The following PTPRG variants were observed in gnomAD, a reference collection of about 807,000 sequenced individuals.
The protein encoded by PTPRG is protein tyrosine phosphatase receptor type G, also known as receptor-type tyrosine-protein phosphatase gamma.
In PTPRG, 102 loss-of-function variants were observed where a neutral mutation model predicts 165.3. The observed-to-expected ratio is 0.62, with a 90% confidence interval of 0.53 to 0.73. PTPRG has a LOEUF of 0.73. Ranked by LOEUF, PTPRG falls within the 30% of genes least tolerant of loss-of-function variation. The probability of loss-of-function intolerance (pLI) is 0.00; values close to 1 mark genes in which losing one functional copy is unlikely to be tolerated. For missense variants in PTPRG, 1,866 were observed against 1,861.4 expected (o/e 1.00, Z -0.05); for synonymous variants, 675 against 669.5 (o/e 1.01, Z -0.13).
chr3:62,258,516 A>G (rs1051448183), intron 16 of PTPRG, among the ~76,000 whole-genome samples: 19 of 152,350 alleles, frequency 1.2e-4, no homozygotes, highest in Admixed American at 5.9e-4. Context: ...TGGAGATTTC[A>G]GCAAAAATTC....
At position 61,562,179 on chromosome 3, in the gene PTPRG, C is replaced by A; in HGVS notation, c.-109C>A. 1 of 952,286 alleles carries A rather than the reference C, an allele frequency of 1.1e-6. No individual in the cohort carries two copies. Among genetic ancestry groups the A allele is most frequent in the Non-Finnish European group, 1.6e-6 (1 of 613,892 alleles). The allele number at this position is 952,286 out of a possible 1,614,324, so 59.0% of individuals were successfully genotyped here. ...CGCCGAGCGCGGGGGGCCCGTGGAG[C>A]GGGCGAGCCGGGGAAGCGCCCCGGC... On this transcript the variant is annotated 5_prime_UTR_variant, in exon 1 of 30. Transcript: ENST00000474889.
chr3:61,674,518 T>C (rs1703154348), intron 1 of PTPRG, among the ~76,000 whole-genome samples: 1 of 143,086 alleles, frequency 7.0e-6, no homozygotes, highest in Non-Finnish European at 1.5e-5. Flanking sequence ...AAAGCCATAT[T>C]AGTACTCTAT....
chr3:62,241,301 T>C (rs912090157), intron 14 of PTPRG, among the ~76,000 whole-genome samples: 11 of 152,106 alleles, frequency 7.2e-5, no homozygotes, highest in African/African-American at 2.7e-4. Flanking sequence ...ATTTGCCAAA[T>C]CCATTGAAAT....
chr3:61,678,888 G>A (rs1219110683), intron 1 of PTPRG, among the ~76,000 whole-genome samples: 2 of 152,034 alleles, frequency 1.3e-5, no homozygotes, highest in Non-Finnish European at 2.9e-5. Flanking sequence ...GTTTTGGGAG[G>A]CCTCCCAATG....
At chr3:61,652,025 G>A (rs190046868) in intron 1 of PTPRG, among the ~76,000 whole-genome samples, 26 of 150,086 alleles carry the variant, frequency 1.7e-4, no homozygotes, top group African/African-American at 6.4e-4. Flanking sequence ...ATATATAAAA[G>A]TAGGCCAGGC....
rs1372492634 is a variant in PTPRG at position 62,273,809 on chromosome 3, G to C, written c.3430G>C (p.Val1144Leu). 6.2e-7 allele frequency: 1 copy of C among 1,613,812 alleles called. No homozygotes were observed. Residue 1144 changes from valine to leucine, a missense_variant, in exon 23 of 30, where the codon GTA becomes CTA. Around this residue, in one of 3 missense-constraint regions of PTPRG, gnomAD observed 1,452 missense variants for 1,463.0 expected, o/e 0.99. Transcript: ENST00000474889. This position sits in a 1 kb window ranked among gnomAD's most constrained non-coding sequence, Gnocchi z 4.1. ...TGTTAACAGCATCCTTATACCAGGAGTAGGAGGAAAGACACGACTGGAAAA... is the reference window on the plus strand; with the variant it reads ...TGTTAACAGCATCCTTATACCAGGACTAGGAGGAAAGACACGACTGGAAAA... The part of the protein sequence containing the change: ...SYVNSILIPG[V>L]GGKTRLEKQF...
At chr3:61,846,553 C>G (rs2036810541) in intron 2 of PTPRG, among the ~76,000 whole-genome samples, 1 of 152,156 alleles carries the variant, frequency 6.6e-6, no homozygotes. Flanking sequence ...GCACCAGTGC[C>G]TTCTATGCAT....
intron 4 of PTPRG, among the ~76,000 whole-genome samples, chr3:62,065,185 G>T (rs567193121): frequency 1.3e-5 from 2 of 152,284 alleles, no homozygotes; most frequent in Admixed American, 6.5e-5. Flanking sequence ...CTTTTCAGGG[G>T]ATGGTTTGGC....
chr3:62,084,819 C>A, intron 5 of PTPRG, among the ~76,000 whole-genome samples: 1 of 152,184 alleles, frequency 6.6e-6, no homozygotes, highest in Non-Finnish European at 1.5e-5. Flanking sequence ...TTGCTTTCTT[C>A]TGCATTAATA....
At chr3:61,598,012 A>G (rs1700747685) in intron 1 of PTPRG, among the ~76,000 whole-genome samples, 1 of 152,178 alleles carries the variant, frequency 6.6e-6, no homozygotes, top group Non-Finnish European at 1.5e-5. Flanking sequence ...GGCACTGGCT[A>G]TGGGAAGGAA....
intron 2 of PTPRG, among the ~76,000 whole-genome samples, chr3:61,839,003 T>C (rs1344855883): frequency 6.6e-6 from 1 of 152,214 alleles, no homozygotes; most frequent in Admixed American, 6.5e-5. Context: ...ACCAAAGCTT[T>C]ATGAATTCAA....
intron 2 of PTPRG, among the ~76,000 whole-genome samples, chr3:61,986,420 G>A (rs902701412): frequency 6.6e-6 from 1 of 152,126 alleles, no homozygotes; most frequent in Non-Finnish European, 1.5e-5. Flanking sequence ...TATCTCTCAC[G>A]AAGGGACGTT....
chr3:61,663,134 CAGCT>C (rs1437681836), intron 1 of PTPRG, among the ~76,000 whole-genome samples: 2 of 151,992 alleles, frequency 1.3e-5, no homozygotes, highest in Non-Finnish European at 2.9e-5. Flanking sequence ...ATACAAGAAT[CAGCT>C]AGTCTCATAA....
chr3:61,598,923 C>T (rs891196937), intron 1 of PTPRG, among the ~76,000 whole-genome samples: 6 of 152,062 alleles, frequency 3.9e-5, no homozygotes, highest in Non-Finnish European at 8.8e-5. Flanking sequence ...CAAGTTTCTC[C>T]TTGCTGTAAG....
chr3:61,611,930 C>A (rs1701179293), intron 1 of PTPRG, among the ~76,000 whole-genome samples: 1 of 152,018 alleles, frequency 6.6e-6, no homozygotes, highest in Admixed American at 6.6e-5. Context: ...GTTTGTTAAC[C>A]CCTGCTGTAA....
intron 15 of PTPRG, among the ~76,000 whole-genome samples, chr3:62,250,043 G>C (rs1208359485): frequency 6.6e-6 from 1 of 152,086 alleles, no homozygotes; most frequent in Admixed American, 6.6e-5. Context: ...ATAAATCATA[G>C]ATATGAAATG....
chr3:61,718,521 C>G (rs544819703), intron 1 of PTPRG, among the ~76,000 whole-genome samples: 1 of 152,276 alleles, frequency 6.6e-6, no homozygotes, highest in East Asian at 1.9e-4. Context: ...GTTTTAAAAT[C>G]TGAGACTGTT....
At chr3:61,987,001 C>G (rs1559730194) in intron 2 of PTPRG, among the ~76,000 whole-genome samples, 1 of 151,924 alleles carries the variant, frequency 6.6e-6, no homozygotes, top group Non-Finnish European at 1.5e-5. Context: ...TGTGGAACTG[C>G]AAATGATTAA....
At chr3:61,731,726 A>G (rs1426411036) in intron 1 of PTPRG, among the ~76,000 whole-genome samples, 2 of 151,896 alleles carry the variant, frequency 1.3e-5, no homozygotes, top group East Asian at 3.9e-4. Flanking sequence ...TCTTTTTCCC[A>G]TTTATTTTTC....
Sources: gnomAD v4.1 joint callset for allele counts (sites outside exome capture counted in the v4.1 genomes callset) on GRCh38, gnomAD v4.1.1 for gene constraint, gnomAD v4.1.1 regional missense constraint, Gnocchi (gnomAD v3.1) non-coding constraint, MANE v1.5 for transcripts, NCBI Gene and HGNC (gene_info 2026-07-23, HGNC 2026-07-21) for gene names.